The following COLQ variants were observed in gnomAD, a reference collection of about 807,000 sequenced individuals.
COLQ encodes the protein acetylcholinesterase collagenic tail peptide.
A neutral mutation model predicts 69.0 loss-of-function variants in COLQ; 48 were observed. That is an observed-to-expected ratio of 0.70 (90% CI 0.55 to 0.88). The LOEUF (loss-of-function observed/expected upper bound fraction) is 0.88, where lower values mean the gene tolerates loss of function less well. COLQ is among the 40% of genes least tolerant of loss of function. The probability of loss-of-function intolerance (pLI) is 0.00; values close to 1 mark genes in which losing one functional copy is unlikely to be tolerated. For missense variants in COLQ, 618 were observed against 594.6 expected (o/e 1.04, Z -0.41); for synonymous variants, 217 against 211.2 (o/e 1.03, Z -0.24).
intron 12 of COLQ, 43 bp from the exon 13 acceptor site, chr3:15,458,368 G>C (rs1161005843): frequency 6.2e-7 from 1 of 1,612,784 alleles, no homozygotes; most frequent in South Asian, 1.1e-5. Flanking sequence ...CCAAGGAAGA[G>C]AAGACCAAAC....
At chr3:15,482,581 G>C (rs201674744) in intron 3 of COLQ, among the ~76,000 whole-genome samples, 1 of 152,176 alleles carries the variant, frequency 6.6e-6, no homozygotes. Flanking sequence ...TGGTGGATAA[G>C]CTTTTTGATG....
chr3:15,470,247 T>A (rs1053427740), intron 11 of COLQ, among the ~76,000 whole-genome samples: 1 of 152,228 alleles, frequency 6.6e-6, no homozygotes. Flanking sequence ...CTTCCATTCC[T>A]AGCTGCTTTG....
Position 15,470,565 on chromosome 3 carries a change from T to A in COLQ, c.688A>T (p.Thr230Ser), listed in dbSNP as rs1171886801. The A allele has an allele frequency of 1.2e-6, 2 of 1,613,968 alleles. No homozygotes were observed. Among genetic ancestry groups the A allele is most frequent in the Non-Finnish European group, 1.7e-6 (2 of 1,180,028 alleles). The change falls in exon 11 of 17, where the codon ACA becomes TCA. Residue 230 changes from threonine (T) to serine (S), a missense_variant. By Grantham distance (58) the Thr-to-Ser change is moderately conservative. Transcript: ENST00000383788. Reference protein sequence around the residue: ...EPGIAGHRGPTGRPGKRGKQG... With the variant: ...EPGIAGHRGPSGRPGKRGKQG... Reference sequence around the variant, plus strand: ...TTGCCTCGTTTTCCTGGTCTTCCTGTGGGTCCTCGGTGTCCTGCTATCCCA... The same window carrying A: ...TTGCCTCGTTTTCCTGGTCTTCCTGAGGGTCCTCGGTGTCCTGCTATCCCA...
chr3:15,453,333 C>A (rs1394309919), intron 16 of COLQ, among the ~76,000 whole-genome samples: 1 of 152,190 alleles, frequency 6.6e-6, no homozygotes, highest in Non-Finnish European at 1.5e-5. Context: ...CATGAGCTTG[C>A]AAAATTAGAT....
intron 1 of COLQ, among the ~76,000 whole-genome samples, chr3:15,509,242 C>T (rs1164288382): frequency 6.6e-6 from 1 of 152,194 alleles, no homozygotes; most frequent in Non-Finnish European, 1.5e-5. Context: ...GGCCTGGTGA[C>T]TTGATGGCCA....
At position 15,521,459 on chromosome 3, in the gene COLQ, C is replaced by A; in HGVS notation, c.106+61G>T. The A allele has an allele frequency of 2.5e-6, 4 of 1,606,848 alleles. No homozygotes were observed. The South Asian group carries it at 4.4e-5, about 18-fold the overall frequency. On this transcript the variant is annotated intron_variant, in intron 1 of 16. Transcript: ENST00000383788. ...ACATCAGGACACATTGCAAAACAAT[C>A]TTCCTTCCTCCCCCTGTCCCCTGAC... is the stretch of plus-strand genomic sequence containing the variant.
At chr3:15,498,494 C>G in intron 1 of COLQ, 4 of 1,535,374 alleles carry the variant, frequency 2.6e-6, no homozygotes, top group Non-Finnish European at 3.5e-6. Context: ...CACGTGCACA[C>G]ACGCACACAC....
chr3:15,490,215 A>T (rs1364998146), intron 1 of COLQ, among the ~76,000 whole-genome samples: 1 of 152,214 alleles, frequency 6.6e-6, no homozygotes, highest in Non-Finnish European at 1.5e-5. Flanking sequence ...TCAGGAAATA[A>T]AGGGAGGGCC....
rs758130917 is a variant in COLQ at position 15,466,314 on chromosome 3, G to A, written c.814+27C>T. The A allele has an allele frequency of 8.2e-5, 126 of 1,540,634 alleles. 1 individual carries two copies. The Admixed American group carries it at 2.0e-3, about 25-fold the overall frequency. On this transcript the variant is annotated intron_variant, in intron 12 of 16. Transcript: ENST00000383788. ...GAGGCTGGCCAGTACTCCAACAGTG[G>A]ATCAAGTGAAGCAGTGTAGCTCTTA... is the stretch of plus-strand genomic sequence containing the variant.
chr3:15,478,425 A>G (rs953183382), intron 5 of COLQ, among the ~76,000 whole-genome samples: 2 of 152,216 alleles, frequency 1.3e-5, no homozygotes, highest in Admixed American at 1.3e-4. Context: ...CAGTGCCAGT[A>G]TCCACTGACC....
chr3:15,494,773 A>G (rs2062720782), intron 1 of COLQ, among the ~76,000 whole-genome samples: 1 of 152,118 alleles, frequency 6.6e-6, no homozygotes, highest in Non-Finnish European at 1.5e-5. Flanking sequence ...CCTCTGACCA[A>G]ACTGTGCTTT....
At chr3:15,479,076 G>A in intron 4 of COLQ, 73 bp from the exon 5 acceptor site, 4 of 1,577,466 alleles carry the variant, frequency 2.5e-6, no homozygotes, top group Non-Finnish European at 1.7e-6. Flanking sequence ...CCTTAGTAGA[G>A]CTGATGACTG....
intron 1 of COLQ, among the ~76,000 whole-genome samples, chr3:15,494,595 T>G (rs972611506): frequency 6.6e-6 from 1 of 152,142 alleles, no homozygotes; most frequent in African/African-American, 2.4e-5. Flanking sequence ...AGAGGCCTTC[T>G]GCTTGTACCC....
chr3:15,486,751 C>T (rs1217556608), intron 3 of COLQ, among the ~76,000 whole-genome samples: 3 of 152,188 alleles, frequency 2.0e-5, no homozygotes, highest in Non-Finnish European at 4.4e-5. Flanking sequence ...CAAGTAATTA[C>T]GGAGAACCTA....
rs547039635 is a variant in COLQ, at chr3:15,491,153, A to G, written c.107-1516T>C. Among the ~76,000 whole-genome samples, 154 of 152,334 alleles carry G rather than the reference A, an allele frequency of 1.0e-3. 1 individual carries two copies. The highest frequency in any genetic ancestry group is 3.5e-3 in the African/African-American group (147 of 41,576). ...GGTTATAGTTTTATTTTTATACCAA[A>G]AAGTAAAAATTTCTCTTGAAATGGC... On this transcript the variant is annotated intron_variant, in intron 1 of 16. Coordinates refer to ENST00000383788, the MANE Select transcript of COLQ (RefSeq NM_005677.4).
At chr3:15,475,513 C>G (rs1421858392) in intron 6 of COLQ, 26 bp from the exon 7 acceptor site, 1 of 1,568,924 alleles carries the variant, frequency 6.4e-7, no homozygotes, top group African/African-American at 1.3e-5. Flanking sequence ...GAAGAAAAGA[C>G]CCACGGTGAT....
intron 3 of COLQ, among the ~76,000 whole-genome samples, chr3:15,482,724 T>C (rs1356069582): frequency 2.0e-5 from 3 of 152,246 alleles, no homozygotes; most frequent in African/African-American, 2.4e-5. Flanking sequence ...GCTGGCCTCA[T>C]AAAATGAGTT....
intron 12 of COLQ, among the ~76,000 whole-genome samples, chr3:15,458,954 C>T (rs2062065992): frequency 6.6e-6 from 1 of 151,994 alleles, no homozygotes; most frequent in Non-Finnish European, 1.5e-5. Flanking sequence ...AGTGAGTCTC[C>T]TGCCTCAGCC....
At chr3:15,464,177 G>A (rs2125099803) in intron 12 of COLQ, among the ~76,000 whole-genome samples, 1 of 152,274 alleles carries the variant, frequency 6.6e-6, no homozygotes, top group East Asian at 1.9e-4. Context: ...CCCTAGACAT[G>A]GACAGGAGAG....
Sources: allele counts gnomAD v4.1 joint callset (sites outside exome capture counted in the v4.1 genomes callset), GRCh38; gene constraint gnomAD v4.1.1; transcripts MANE v1.5; gene names NCBI Gene and HGNC (gene_info 2026-07-23, HGNC 2026-07-21).